AIRE: variants seen among roughly 807,000 people sequenced by gnomAD.
AIRE encodes the protein autoimmune polyendocrinopathy candidiasis ectodermal dystrophy protein.
AIRE carries 52 observed loss-of-function variants against 62.1 expected under a neutral mutation model. That is an observed-to-expected ratio of 0.84 (90% CI 0.67 to 1.06). AIRE has a LOEUF of 1.06. AIRE is among the 50% of genes least tolerant of loss of function. AIRE has a pLI of 0.00. For synonymous variants in AIRE, 342 were observed against 321.6 expected (o/e 1.06, Z -0.68); for missense variants, 774 against 755.8 (o/e 1.02, Z -0.28).
chr21:44,296,701 G>GC (rs2040612699), intron 13 of AIRE, among the ~76,000 whole-genome samples: 1 of 135,772 alleles, frequency 7.4e-6, no homozygotes, highest in South Asian at 2.5e-4. Flanking sequence ...GCTGCTGAGC[G>GC]CCCCCAGCCC....
chr21:44,295,098 G>A (rs372979932), intron 12 of AIRE, among the ~76,000 whole-genome samples: 4 of 133,238 alleles, frequency 3.0e-5, no homozygotes, highest in Admixed American at 6.9e-5. Context: ...AGGAGCCTCC[G>A]GGGGGGTGGC....
chr21:44,288,563 C>A, intron 5 of AIRE, 105 bp downstream of exon 5: 2 of 823,132 alleles, frequency 2.4e-6, no homozygotes, highest in Non-Finnish European at 2.0e-6. Context: ...GCAGACCGGA[C>A]TGTTGCTCAG....
chr21:44,292,492 G>T (rs1448039060), intron 9 of AIRE, 91 bp downstream of exon 9: 1 of 857,170 alleles, frequency 1.2e-6, no homozygotes, highest in Non-Finnish European at 1.9e-6. Context: ...CTGTCCGTCT[G>T]TCCCCTGGAG....
chr21:44,292,387 C>T lies in AIRE; in HGVS notation c.1081C>T (p.Pro361Ser), dbSNP rs1267538837. The T allele has an allele frequency of 2.0e-5, 31 of 1,554,092 alleles. 1 individual carries two copies. In the Admixed American group the frequency reaches 5.8e-4, roughly 29 times the overall value. The change falls in exon 9 of 14, where the codon CCC (proline) becomes TCC (serine). Residue 361 changes from proline to serine, a missense_variant. Physicochemically the swap from Pro to Ser is moderately conservative, Grantham distance 74. Coordinates refer to ENST00000291582, the MANE Select transcript of AIRE (RefSeq NM_000383.4). The part of the protein sequence containing the change: ...RAEEPRPQEP[P>S]VETPLPPGLR... The stretch of plus-strand genomic sequence containing the variant: ...AGAGGAGCCCCGGCCCCAGGAGCCA[C>T]CCGTGGAGACCCCGGTATGGCCACG...
Position 44,298,101 on chromosome 21 carries a change from C to T in AIRE, c.*374C>T. ...GAGCTGAGATTGCGCCACTGCACTC[C>T]AGTCTGGTCGGCAAGAGTGAGACTC... On this transcript the variant is annotated 3_prime_UTR_variant, in exon 14 of 14. Coordinates refer to ENST00000291582, the MANE Select transcript of AIRE (RefSeq NM_000383.4). 1 of 298,786 alleles carries T rather than the reference C, an allele frequency of 3.3e-6. No homozygotes were observed. Among genetic ancestry groups the T allele is most frequent in the South Asian group, 3.4e-5 (1 of 29,644 alleles). The allele number at this position is 298,786 out of a possible 1,614,324, so 18.5% of individuals were successfully genotyped here.
chr21:44,297,697 G>C lies in AIRE; in HGVS notation c.1608G>C (p.Met536Ile). 1 of 1,612,520 alleles carries C rather than the reference G, an allele frequency of 6.2e-7. No homozygotes were observed. The highest frequency in any genetic ancestry group is 8.5e-7 in the Non-Finnish European group (1 of 1,179,864). ...DGILQWAIQS[M>I]ARPAAPFPS ...TCCTGCAGTGGGCCATCCAGAGCATGGCCCGTCCGGCGGCCCCCTTCCCCT... is the reference window on the plus strand; with the variant it reads ...TCCTGCAGTGGGCCATCCAGAGCATCGCCCGTCCGGCGGCCCCCTTCCCCT... The change falls in exon 14 of 14, where the codon ATG (methionine) becomes ATC (isoleucine). Residue 536 changes from methionine (M) to isoleucine (I), a missense_variant. Coordinates refer to ENST00000291582, the MANE Select transcript of AIRE (RefSeq NM_000383.4). The surrounding 1 kb of genome is among the most constrained non-coding windows in gnomAD (Gnocchi z 4.8).
intron 10 of AIRE, 28 bp from the exon 11 acceptor site, chr21:44,293,761 C>A (rs756111616): frequency 1.9e-6 from 3 of 1,595,488 alleles, no homozygotes; most frequent in East Asian, 2.2e-5. Flanking sequence ...CGGCCCCCCG[C>A]GTCACCCCGC....
chr21:44,297,609 G>T lies in AIRE; in HGVS notation c.1567-47G>T. ...TAACGATGGCCATGATTCTGTGGCTGCGGCGGGGGCGCACCTGGAGGTTCT... is the reference window on the plus strand; with the variant it reads ...TAACGATGGCCATGATTCTGTGGCTTCGGCGGGGGCGCACCTGGAGGTTCT... On this transcript the variant is annotated intron_variant, in intron 13 of 13. Transcript: ENST00000291582. The surrounding 1 kb of genome is among the most constrained non-coding windows in gnomAD (Gnocchi z 4.8). The T allele has an allele frequency of 6.7e-7, 1 of 1,482,332 alleles. No individual in the cohort carries two copies. 91.8% of individuals were successfully genotyped at this position (1,482,332 alleles called of 1,614,324 possible).
intron 5 of AIRE, chr21:44,289,258 T>C (rs2075875): frequency 0.17 from 38,562 of 229,118 alleles, 4,538 homozygotes; most frequent in East Asian, 0.36. Context: ...ACCCCTGTGC[T>C]CCTTGTTCCT....
rs1298018342 is a variant in AIRE, at chr21:44,291,222, C to T, written c.995+12C>T. On this transcript the variant is annotated intron_variant, in intron 8 of 13. Transcript: ENST00000291582. ...CGGGAGATCCCCAGGTGAGCCTGCA[C>T]CTCTGCCAGCGCAACCAGGCCACCC... The T allele has an allele frequency of 1.9e-6, 3 of 1,598,278 alleles. No individual in the cohort carries two copies. The highest frequency in any genetic ancestry group is 2.5e-6 in the Non-Finnish European group (3 of 1,179,550).
chr21:44,287,062 A>C lies in AIRE; in HGVS notation c.392A>C (p.Lys131Thr). 6.2e-7 allele frequency: 1 copy of C among 1,612,714 alleles called. No individual in the cohort carries two copies. The highest frequency in any genetic ancestry group is 1.1e-5 in the South Asian group (1 of 91,080). The change falls in exon 3 of 14, where the codon AAG (lysine) becomes ACG (threonine). Residue 131 changes from lysine to threonine, a missense_variant. By Grantham distance (78) the Lys-to-Thr change is moderately conservative. This residue lies in a region of AIRE where 385 missense variants were observed against 396.0 expected (regional missense o/e 0.97). Coordinates refer to ENST00000291582, the MANE Select transcript of AIRE (RefSeq NM_000383.4). The surrounding 1 kb of genome is among the most constrained non-coding windows in gnomAD (Gnocchi z 4.3). Reference protein sequence around the residue: ...ALVPPPRLPTKRKASEEARAA... With the variant: ...ALVPPPRLPTTRKASEEARAA... ...GTACCGCCACCCAGACTCCCCACCA[A>C]GAGGAAGGCCTCAGAAGAGGCTCGA... is the stretch of plus-strand genomic sequence containing the variant.
chr21:44,290,818 G>A (rs1395683060), intron 7 of AIRE: 2 of 1,550,280 alleles, frequency 1.3e-6, no homozygotes, highest in Non-Finnish European at 1.8e-6. Context: ...TGTGGTTGGT[G>A]TACAGTTCCG....
At chr21:44,296,019 G>C (rs1039621939) in intron 12 of AIRE, among the ~76,000 whole-genome samples, 12 of 152,178 alleles carry the variant, frequency 7.9e-5, no homozygotes, top group Admixed American at 5.9e-4. Context: ...GCTGGCCCTG[G>C]TGGTGCTTGT....
rs2040497256 is a variant in AIRE at position 44,287,651 on chromosome 21, G to A, written c.538+60G>A. The A allele has an allele frequency of 2.7e-6, 4 of 1,484,514 alleles. No individual in the cohort carries two copies. Among genetic ancestry groups the A allele is most frequent in the Non-Finnish European group, 2.8e-6 (3 of 1,088,640 alleles). The allele number at this position is 1,484,514 out of a possible 1,614,324, so 92.0% of individuals were successfully genotyped here. A position where few individuals can be genotyped will look rare whatever the true frequency, so the allele number is the denominator to read the frequency against. Reference sequence around the variant, plus strand: ...CCTGGCCAGGGGCAAGGGGTCAGGGGTCAGAGCAGGGCCTGCCCTCTGAGA... The same window carrying A: ...CCTGGCCAGGGGCAAGGGGTCAGGGATCAGAGCAGGGCCTGCCCTCTGAGA... On this transcript the variant is annotated intron_variant, in intron 4 of 13. Coordinates refer to ENST00000291582, the MANE Select transcript of AIRE (RefSeq NM_000383.4). The surrounding 1 kb of genome is among the most constrained non-coding windows in gnomAD (Gnocchi z 4.3).
In AIRE at chr21:44,289,676, C is replaced by T. The variant is rs200611273; in HGVS notation, c.672C>T (p.Ile224=). 2 of 1,612,552 alleles carry T rather than the reference C, an allele frequency of 1.2e-6. No homozygotes were observed. The highest frequency in any genetic ancestry group is 3.3e-5 in the Admixed American group (2 of 59,984). The stretch of plus-strand genomic sequence containing the variant: ...TCCCAGGCGGCTCCAAGAAGTGCAT[C>T]CAGGTTGGCGGGGAGTTCTACACTC... ...VFESGGSKKC[I]QVGGEFYTPS... The change falls in exon 6 of 14, where the codon ATC becomes ATT. Residue 224 remains isoleucine, a synonymous_variant. Transcript: ENST00000291582.
chr21:44,292,785 G>A (rs970502770), intron 9 of AIRE, among the ~76,000 whole-genome samples: 2 of 152,120 alleles, frequency 1.3e-5, no homozygotes, highest in African/African-American at 4.8e-5. Context: ...GTAGACGGGG[G>A]AGGAGGGAGG....
rs1436576344 is a variant in AIRE, at chr21:44,285,882, A to G, written c.-125A>G. On this transcript the variant is annotated 5_prime_UTR_variant, in exon 1 of 14. Transcript: ENST00000291582. ...CGCGCGTGGCTCGCAGACCGGGGAGACGGGCGGGCGCACAGCCGGCGCGGA... is the reference window on the plus strand; with the variant it reads ...CGCGCGTGGCTCGCAGACCGGGGAGGCGGGCGGGCGCACAGCCGGCGCGGA... 2 of 973,158 alleles carry G rather than the reference A, an allele frequency of 2.1e-6. No homozygotes were observed. The highest frequency in any genetic ancestry group is 2.8e-6 in the Non-Finnish European group (2 of 719,710). The allele number at this position is 973,158 out of a possible 1,614,324, so 60.3% of individuals were successfully genotyped here.
Position 44,291,191 on chromosome 21 carries a change from C to T in AIRE, c.976C>T (p.Pro326Ser). The change falls in exon 8 of 14, where the codon CCG (proline) becomes TCG (serine). Residue 326 changes from proline to serine, a missense_variant. By Grantham distance (74) the Pro-to-Ser change is moderately conservative (BLOSUM62 -1). Transcript: ENST00000291582. ...CTTCCACCTGGCCTGCCTGTCCCCT[C>T]CGCTCCGGGAGATCCCCAGGTGAGC... ...RAFHLACLSPPLREIPSGTWR... is the reference protein window; with the variant it reads ...RAFHLACLSPSLREIPSGTWR... The T allele has an allele frequency of 6.2e-7, 1 of 1,600,714 alleles. No individual in the cohort carries two copies. Among genetic ancestry groups the T allele is most frequent in the East Asian group, 2.2e-5 (1 of 44,880 alleles).
chr21:44,286,208 A>G lies in AIRE; in HGVS notation c.132+70A>G. 3 of 1,394,636 alleles carry G rather than the reference A, an allele frequency of 2.2e-6. No individual in the cohort carries two copies. The highest frequency in any genetic ancestry group is 4.5e-5 in the Admixed American group (2 of 44,186). The allele number at this position is 1,394,636 out of a possible 1,614,324, so 86.4% of individuals were successfully genotyped here. On this transcript the variant is annotated intron_variant, in intron 1 of 13. Coordinates refer to ENST00000291582, the MANE Select transcript of AIRE (RefSeq NM_000383.4). This position sits in a 1 kb window ranked among gnomAD's most constrained non-coding sequence, Gnocchi z 6.0. ...CAGGGATAGTCCCCGGGGAAGTTCC[A>G]GGAGGACCCCGCCCCTCCAGATCCC...
Sources: allele counts gnomAD v4.1 joint callset (sites outside exome capture counted in the v4.1 genomes callset), GRCh38; gene constraint gnomAD v4.1.1; regional missense constraint gnomAD v4.1.1; non-coding constraint Gnocchi (gnomAD v3.1); transcripts MANE v1.5; gene names NCBI Gene and HGNC (gene_info 2026-07-23, HGNC 2026-07-21).